DCUN1D5: variants seen among roughly 807,000 people sequenced by gnomAD.
DCUN1D5 encodes defective in cullin neddylation 1 domain containing 5.
DCUN1D5 carries 10 observed loss-of-function variants against 38.3 expected under a neutral mutation model. That is an observed-to-expected ratio of 0.26 (90% CI 0.16 to 0.44). The LOEUF (loss-of-function observed/expected upper bound fraction) is 0.44. Among genes scored for constraint, DCUN1D5 ranks in the 20% least tolerant of loss-of-function variants. The pLI is 1.00. For missense variants in DCUN1D5, 148 were observed against 275.3 expected, an observed-to-expected ratio of 0.54 and a Z score of 3.27; for synonymous variants, 93 against 90.9, an observed-to-expected ratio of 1.02 and a Z score of -0.13.
In DCUN1D5 at chr11:103,059,757, T is replaced by TG. The variant is rs368267424; in HGVS notation, c.*2601dup. On this transcript the variant is annotated 3_prime_UTR_variant, in exon 8 of 8. Coordinates refer to ENST00000260247, the MANE Select transcript of DCUN1D5 (RefSeq NM_032299.4). ...TTATTGGCCCCGAGGAGTGGGGGGGTGGGGGGGTTGCAATCTGTCCAATCA... is the reference window on the plus strand; with the variant it reads ...TTATTGGCCCCGAGGAGTGGGGGGGTGGGGGGGGTTGCAATCTGTCCAATCA... Among the ~76,000 whole-genome samples, 1,762 of 17,058 alleles carry TG rather than the reference T, an allele frequency of 0.1. 40 individuals carry two copies. Among genetic ancestry groups the TG allele is most frequent in the African/African-American group, 0.26 (1,625 of 6,370 alleles). 11.2% of individuals were successfully genotyped at this position (17,058 alleles called of 152,430 possible). A position where few individuals can be genotyped will look rare whatever the true frequency, so the allele number is the denominator to read the frequency against.
At chr11:103,088,935 A>G (rs1421887597) in intron 2 of DCUN1D5, among the ~76,000 whole-genome samples, 1 of 151,874 alleles carries the variant, frequency 6.6e-6, no homozygotes, top group East Asian at 1.9e-4. Context: ...TTTATTTTCC[A>G]GAATACTACT....
At position 103,061,783 on chromosome 11, in the gene DCUN1D5, C is replaced by A. The variant is rs961985893; in HGVS notation, c.*576G>T. On this transcript the variant is annotated 3_prime_UTR_variant, in exon 8 of 8. Coordinates refer to ENST00000260247, the MANE Select transcript of DCUN1D5 (RefSeq NM_032299.4). ...TCTGAGATAAGACATCTGCATAAGA[C>A]CTTGGCAGCTTTTATAGAAACCCAG... is the stretch of plus-strand genomic sequence containing the variant. Among the ~76,000 whole-genome samples the A allele has an allele frequency of 3.9e-5, 6 of 151,966 alleles. No homozygotes were observed. Among genetic ancestry groups the A allele is most frequent in the African/African-American group, 1.4e-4 (6 of 41,384 alleles).
chr11:103,054,937 G>A lies in DCUN1D5; in HGVS notation c.*7422C>T, dbSNP rs961500120. On this transcript the variant is annotated 3_prime_UTR_variant, in exon 8 of 8. Transcript: ENST00000260247. Reference sequence around the variant, plus strand: ...ACAACTGCATTCATTAATTGAGATTGAATGTAGGTGCAGGTTGAATATCTC... The same window carrying A: ...ACAACTGCATTCATTAATTGAGATTAAATGTAGGTGCAGGTTGAATATCTC... The A allele has an allele frequency of 7.9e-5, 12 of 152,204 alleles. No individual in the cohort carries two copies. Among genetic ancestry groups the A allele is most frequent in the Admixed American group, 3.9e-4 (6 of 15,278 alleles). 9.4% of individuals were successfully genotyped at this position (152,204 alleles called of 1,614,324 possible).
Position 103,053,365 on chromosome 11 carries a change from T to C in DCUN1D5, c.*8994A>G, listed in dbSNP as rs1157730338. On this transcript the variant is annotated 3_prime_UTR_variant, in exon 8 of 8. Coordinates refer to ENST00000260247, the MANE Select transcript of DCUN1D5 (RefSeq NM_032299.4). This position sits in a 1 kb window ranked among gnomAD's most constrained non-coding sequence, Gnocchi z 4.8. ...GTGCATCATTGACATTACAGATTAA[T>C]TTCCTAAGAGATTTGCATTTCTAAA... 6.6e-6 allele frequency: 1 copy of C among 152,064 alleles called. No individual in the cohort carries two copies. The highest frequency in any genetic ancestry group is 6.6e-5 in the Admixed American group (1 of 15,262). 9.4% of individuals were successfully genotyped at this position (152,064 alleles called of 1,614,324 possible). A position where few individuals can be genotyped will look rare whatever the true frequency, so the allele number is the denominator to read the frequency against.
At position 103,058,790 on chromosome 11, in the gene DCUN1D5, T is replaced by C. The variant is rs1223917528; in HGVS notation, c.*3569A>G. Among the ~76,000 whole-genome samples the C allele has an allele frequency of 5.9e-5, 9 of 152,164 alleles. No homozygotes were observed. The highest frequency in any genetic ancestry group is 5.9e-4 in the Admixed American group (9 of 15,282). On this transcript the variant is annotated 3_prime_UTR_variant, in exon 8 of 8. Transcript: ENST00000260247. ...TGATCCTTTCTTTGAAATGTTTCCT[T>C]GTGATGATTTCTAATGTCACTCAAA...
chr11:103,069,774 A>C (rs1862226066), intron 4 of DCUN1D5, among the ~76,000 whole-genome samples: 1 of 152,212 alleles, frequency 6.6e-6, no homozygotes, highest in South Asian at 2.1e-4. Flanking sequence ...GCAGAGTAGA[A>C]AATTCAATTT....
At chr11:103,089,370 G>A (rs1260704426) in intron 1 of DCUN1D5, 52 bp from the exon 2 acceptor site, 4 of 1,436,156 alleles carry the variant, frequency 2.8e-6, no homozygotes, top group Non-Finnish European at 9.5e-7. Flanking sequence ...AACTCTTAGA[G>A]AAAAACTAAG....
chr11:103,062,237 A>G lies in DCUN1D5; in HGVS notation c.*122T>C. On this transcript the variant is annotated 3_prime_UTR_variant, in exon 8 of 8. Coordinates refer to ENST00000260247, the MANE Select transcript of DCUN1D5 (RefSeq NM_032299.4). This position sits in a 1 kb window ranked among gnomAD's most constrained non-coding sequence, Gnocchi z 4.6. The stretch of plus-strand genomic sequence containing the variant: ...ACCTCCTTTAAAAAAAGGAAAAAAA[A>G]GTACTATGAGAAGTCTTTCATATGA... 1 of 930,470 alleles carries G rather than the reference A, an allele frequency of 1.1e-6. No individual in the cohort carries two copies. The highest frequency in any genetic ancestry group is 1.7e-6 in the Non-Finnish European group (1 of 597,006). 57.6% of individuals were successfully genotyped at this position (930,470 alleles called of 1,614,324 possible).
rs368139031 is a variant in DCUN1D5, at chr11:103,078,134, C to T, written c.341+4614G>A. Among the ~76,000 whole-genome samples the T allele has an allele frequency of 5.3e-5, 8 of 152,150 alleles. No homozygotes were observed. The East Asian group carries it at 1.3e-3, about 26-fold the overall frequency. ...ACTAGATTTACAAACTGCAACCTACCGGCAGGCAGCTTAATTACTATCACT... is the reference window on the plus strand; with the variant it reads ...ACTAGATTTACAAACTGCAACCTACTGGCAGGCAGCTTAATTACTATCACT... On this transcript the variant is annotated intron_variant, in intron 4 of 7. Transcript: ENST00000260247. This position sits in a 1 kb window ranked among gnomAD's most constrained non-coding sequence, Gnocchi z 4.6.
chr11:103,053,088 G>A lies in DCUN1D5; in HGVS notation c.*9271C>T, dbSNP rs903859768. ...CTTAATTAAAAAAAAACTGATTTAAGAGACTCAATGTAATAAGACATCATA... is the reference window on the plus strand; with the variant it reads ...CTTAATTAAAAAAAAACTGATTTAAAAGACTCAATGTAATAAGACATCATA... On this transcript the variant is annotated 3_prime_UTR_variant, in exon 8 of 8. Transcript: ENST00000260247. This position sits in a 1 kb window ranked among gnomAD's most constrained non-coding sequence, Gnocchi z 4.8. The A allele has an allele frequency of 2.0e-5, 3 of 152,014 alleles. No individual in the cohort carries two copies. Among genetic ancestry groups the A allele is most frequent in the Non-Finnish European group, 4.4e-5 (3 of 67,964 alleles). The allele number at this position is 152,014 out of a possible 1,614,324, so 9.4% of individuals were successfully genotyped here.
At chr11:103,075,068 G>A (rs373059741) in intron 4 of DCUN1D5, among the ~76,000 whole-genome samples, 2 of 152,182 alleles carry the variant, frequency 1.3e-5, no homozygotes, top group Non-Finnish European at 2.9e-5. Context: ...GATGGAGGAC[G>A]AGGAATTCTC....
intron 2 of DCUN1D5, among the ~76,000 whole-genome samples, chr11:103,085,240 C>T (rs1031919157): frequency 2.0e-5 from 3 of 152,100 alleles, no homozygotes; most frequent in African/African-American, 4.8e-5. Flanking sequence ...GATTTCAAGA[C>T]CAGCCTGGCC....
Position 103,060,505 on chromosome 11 carries a change from G to C in DCUN1D5, c.*1854C>G, listed in dbSNP as rs1383991982. 6.6e-6 allele frequency among the ~76,000 whole-genome samples: 1 copy of C among 151,982 alleles called. No homozygotes were observed. Among genetic ancestry groups the C allele is most frequent in the African/African-American group, 2.4e-5 (1 of 41,376 alleles). The stretch of plus-strand genomic sequence containing the variant: ...CTTTTTATACAGGCAGGTTCCACAG[G>C]GATGACTGTAGGACTTAAGTATGCA... On this transcript the variant is annotated 3_prime_UTR_variant, in exon 8 of 8. Transcript: ENST00000260247.
intron 4 of DCUN1D5, among the ~76,000 whole-genome samples, chr11:103,068,278 A>AT (rs761534312): frequency 2.0e-5 from 3 of 152,106 alleles, no homozygotes; most frequent in Admixed American, 1.3e-4. Context: ...ACAAGTTTTG[A>AT]TAAGTATTGT....
rs1483503530 is a variant in DCUN1D5, at chr11:103,060,098, C to T, written c.*2261G>A. On this transcript the variant is annotated 3_prime_UTR_variant, in exon 8 of 8. Coordinates refer to ENST00000260247, the MANE Select transcript of DCUN1D5 (RefSeq NM_032299.4). ...AACAAAGGAAAGACAGGAAGGGACACAGCCCACACCCTGACTGATGAATTA... is the reference window on the plus strand; with the variant it reads ...AACAAAGGAAAGACAGGAAGGGACATAGCCCACACCCTGACTGATGAATTA... 6.6e-6 allele frequency among the ~76,000 whole-genome samples: 1 copy of T among 152,120 alleles called. No homozygotes were observed. The highest frequency in any genetic ancestry group is 2.4e-5 in the African/African-American group (1 of 41,430).
Position 103,066,690 on chromosome 11 carries a change from A to G in DCUN1D5, c.342-123T>C. On this transcript the variant is annotated intron_variant, in intron 4 of 7. Transcript: ENST00000260247. The surrounding 1 kb of genome is among the most constrained non-coding windows in gnomAD (Gnocchi z 4.7). ...GCATTTATGAAGTTAATTTAGTTTT[A>G]AAATTCTGAGTCACAAATTTAGAGT... 1.8e-6 allele frequency: 1 copy of G among 541,640 alleles called. No individual in the cohort carries two copies. Among genetic ancestry groups the G allele is most frequent in the Non-Finnish European group, 3.2e-6 (1 of 317,364 alleles). 33.6% of individuals were successfully genotyped at this position (541,640 alleles called of 1,614,324 possible).
At chr11:103,080,247 G>A (rs905891149) in intron 4 of DCUN1D5, among the ~76,000 whole-genome samples, 2 of 152,108 alleles carry the variant, frequency 1.3e-5, no homozygotes, top group East Asian at 3.9e-4. Flanking sequence ...TAGATGCCCA[G>A]GTGAAATCAC....
rs977787181 is a variant in DCUN1D5, at chr11:103,059,259, C to T, written c.*3100G>A. ...TCAAAGTGAAATGTTTCATTTTATA[C>T]GTATGTATCATGTATTCTGAATCTG... On this transcript the variant is annotated 3_prime_UTR_variant, in exon 8 of 8. Coordinates refer to ENST00000260247, the MANE Select transcript of DCUN1D5 (RefSeq NM_032299.4). Among the ~76,000 whole-genome samples, 6 of 152,176 alleles carry T rather than the reference C, an allele frequency of 3.9e-5. No individual in the cohort carries two copies. The South Asian group carries it at 8.3e-4, about 21-fold the overall frequency.
At position 103,053,025 on chromosome 11, in the gene DCUN1D5, C is replaced by A. The variant is rs1280321041; in HGVS notation, c.*9334G>T. 6.6e-6 allele frequency: 1 copy of A among 151,982 alleles called. No homozygotes were observed. The highest frequency in any genetic ancestry group is 2.4e-5 in the African/African-American group (1 of 41,368). The allele number at this position is 151,982 out of a possible 1,614,324, so 9.4% of individuals were successfully genotyped here. ...TTAGCTTTCTGTTTTAAATACTGTG[C>A]TTCTAGGTAAAACTTATTTTGCAAT... On this transcript the variant is annotated 3_prime_UTR_variant, in exon 8 of 8. Coordinates refer to ENST00000260247, the MANE Select transcript of DCUN1D5 (RefSeq NM_032299.4). This position sits in a 1 kb window ranked among gnomAD's most constrained non-coding sequence, Gnocchi z 4.8.
Sources: gnomAD v4.1 joint callset for allele counts (sites outside exome capture counted in the v4.1 genomes callset) on GRCh38, gnomAD v4.1.1 for gene constraint, Gnocchi (gnomAD v3.1) non-coding constraint, MANE v1.5 for transcripts, NCBI Gene and HGNC (gene_info 2026-07-23, HGNC 2026-07-21) for gene names.